TBC1D5: variants seen among roughly 807,000 people sequenced by gnomAD.
TBC1D5 encodes TBC1 domain family, member 5.
In TBC1D5, 75 loss-of-function variants were observed where a neutral mutation model predicts 100.3. That is an observed-to-expected ratio of 0.75 (90% CI 0.62 to 0.91). TBC1D5 has a LOEUF of 0.91. Among genes scored for constraint, TBC1D5 ranks in the 40% least tolerant of loss-of-function variants. The pLI is 0.00. For synonymous variants in TBC1D5, 323 were observed against 325.6 expected, an observed-to-expected ratio of 0.99 and a Z score of 0.09; for missense variants, 910 against 942.4, an observed-to-expected ratio of 0.97 and a Z score of 0.45.
At chr3:17,370,740 A>G (rs575140428) in intron 13 of TBC1D5, among the ~76,000 whole-genome samples, 1 of 152,112 alleles carries the variant, frequency 6.6e-6, no homozygotes, top group Admixed American at 6.6e-5. Context: ...TAAACAAAAC[A>G]CTATTCTCTT....
At chr3:17,468,477 A>G (rs2095335194) in intron 3 of TBC1D5, among the ~76,000 whole-genome samples, 1 of 152,184 alleles carries the variant, frequency 6.6e-6, no homozygotes, top group Non-Finnish European at 1.5e-5. Flanking sequence ...GCAATATTGC[A>G]ATATTCGTTT....
At chr3:17,327,783 C>T (rs113468790) in intron 13 of TBC1D5, among the ~76,000 whole-genome samples, 2 of 152,058 alleles carry the variant, frequency 1.3e-5, no homozygotes, top group African/African-American at 4.8e-5. Context: ...ACAGCAAGTT[C>T]GATAGGGCAT....
At chr3:17,701,977 G>A (rs1481335304) in intron 1 of TBC1D5, among the ~76,000 whole-genome samples, 10 of 151,948 alleles carry the variant, frequency 6.6e-5, no homozygotes, top group Non-Finnish European at 1.5e-4. Flanking sequence ...CCCTCTCCCA[G>A]TAGAAATATA....
chr3:17,685,713 G>A (rs1273969318), intron 1 of TBC1D5, among the ~76,000 whole-genome samples: 1 of 152,006 alleles, frequency 6.6e-6, no homozygotes. Flanking sequence ...CAACTGCCTT[G>A]ATATTATATA....
At chr3:17,235,434 T>C (rs1410805534) in intron 17 of TBC1D5, among the ~76,000 whole-genome samples, 1 of 152,236 alleles carries the variant, frequency 6.6e-6, no homozygotes, top group Non-Finnish European at 1.5e-5. Context: ...ACTAAGTAGA[T>C]GACTCTGTTC....
chr3:17,387,722 C>A (rs78163749), intron 8 of TBC1D5, among the ~76,000 whole-genome samples: 9,325 of 151,046 alleles, frequency 0.062, 298 homozygotes, highest in South Asian at 0.076. Context: ...CAGTCTAACC[C>A]AAATATCATT....
At chr3:17,671,036 A>G (rs1334698692) in intron 1 of TBC1D5, among the ~76,000 whole-genome samples, 5 of 152,216 alleles carry the variant, frequency 3.3e-5, no homozygotes, top group Admixed American at 3.3e-4. Flanking sequence ...TCAGCTTTTC[A>G]GCTTCCTTAG....
rs144589397 is a variant in TBC1D5 at position 17,685,738 on chromosome 3, A to G, written c.-101+53605T>C. Among the ~76,000 whole-genome samples, 23 of 152,236 alleles carry G rather than the reference A, an allele frequency of 1.5e-4. No homozygotes were observed. In the East Asian group the frequency reaches 3.7e-3, roughly 24 times the overall value. On this transcript the variant is annotated intron_variant, in intron 1 of 21. Coordinates refer to ENST00000253692, the Ensembl canonical transcript of TBC1D5. ...GATATTATATATATCTTTCTCTAAC[A>G]TATTTTCCCTCAAACAACTGGACAC...
intron 3 of TBC1D5, among the ~76,000 whole-genome samples, chr3:17,441,388 G>C (rs1280948550): frequency 6.6e-6 from 1 of 152,212 alleles, no homozygotes; most frequent in Non-Finnish European, 1.5e-5. Flanking sequence ...GACTGTGGGA[G>C]GTTGCTCTTT....
At position 17,225,093 on chromosome 3, in the gene TBC1D5, A is replaced by G. The variant is rs1227366779; in HGVS notation, c.1589-10723T>C. 2.0e-5 allele frequency among the ~76,000 whole-genome samples: 3 copies of G among 152,300 alleles called. No individual in the cohort carries two copies. In the East Asian group the frequency reaches 5.8e-4, roughly 29 times the overall value. ...TGATGGAGAGCACAGTCTACCGTCC[A>G]TGTTCCACACCTGGATATTTAACCA... On this transcript the variant is annotated intron_variant, in intron 17 of 21. Coordinates refer to ENST00000253692, the Ensembl canonical transcript of TBC1D5.
intron 13 of TBC1D5, among the ~76,000 whole-genome samples, chr3:17,341,297 C>T (rs370257363): frequency 7.9e-5 from 12 of 152,042 alleles, no homozygotes; most frequent in African/African-American, 2.7e-4. Flanking sequence ...CCTGGGTTCA[C>T]GCCATTCTCC....
At chr3:17,439,548 T>A (rs1199072236) in intron 3 of TBC1D5, among the ~76,000 whole-genome samples, 1 of 151,734 alleles carries the variant, frequency 6.6e-6, no homozygotes, top group Non-Finnish European at 1.5e-5. Flanking sequence ...CAAATATCAA[T>A]TTTTTTTAAT....
intron 3 of TBC1D5, among the ~76,000 whole-genome samples, chr3:17,496,156 T>A (rs1305435149): frequency 1.3e-5 from 2 of 152,248 alleles, no homozygotes; most frequent in Non-Finnish European, 2.9e-5. Flanking sequence ...ATTATTACAT[T>A]TTTCTATGTG....
In TBC1D5 at chr3:17,225,547, A is replaced by G. The variant is rs372100419; in HGVS notation, c.1589-11177T>C. On this transcript the variant is annotated intron_variant, in intron 17 of 21. Coordinates refer to ENST00000253692, the Ensembl canonical transcript of TBC1D5. ...CTGGGTGCAGTGTCTCCCACCTGTA[A>G]TTTCAGCACTCTGGGAGGCCGAGAC... Among the ~76,000 whole-genome samples the G allele has an allele frequency of 9.7e-4, 148 of 152,232 alleles. 4 individuals are homozygous for G. The South Asian group carries it at 0.028, about 29-fold the overall frequency.
intron 19 of TBC1D5, among the ~76,000 whole-genome samples, chr3:17,170,394 A>G (rs1268174840): frequency 2.6e-5 from 4 of 152,200 alleles, no homozygotes; most frequent in Non-Finnish European, 5.9e-5. Context: ...TTTGGGTTCA[A>G]GGAACTAAAG....
intron 1 of TBC1D5, among the ~76,000 whole-genome samples, chr3:17,654,070 C>A (rs1014493684): frequency 2.0e-5 from 3 of 151,976 alleles, no homozygotes; most frequent in Non-Finnish European, 4.4e-5. Context: ...TCAGGTTATG[C>A]AGAATTTAAA....
chr3:17,668,153 A>AT (rs2067495202), intron 1 of TBC1D5, among the ~76,000 whole-genome samples: 1 of 147,726 alleles, frequency 6.8e-6, no homozygotes. Flanking sequence ...TTCACTTAAA[A>AT]ATATATATAT....
chr3:17,625,934 T>G (rs1180443532), intron 1 of TBC1D5, among the ~76,000 whole-genome samples: 1 of 152,032 alleles, frequency 6.6e-6, no homozygotes, highest in Admixed American at 6.6e-5. Flanking sequence ...CTATTTCACA[T>G]GAGTTTACGT....
intron 3 of TBC1D5, among the ~76,000 whole-genome samples, chr3:17,452,870 G>A (rs2094959495): frequency 6.6e-6 from 1 of 151,912 alleles, no homozygotes; most frequent in African/African-American, 2.4e-5. Flanking sequence ...CACATTCTTT[G>A]CCTCAGCAAA....
Sources: gnomAD v4.1 joint callset for allele counts (sites outside exome capture counted in the v4.1 genomes callset) on GRCh38, gnomAD v4.1.1 for gene constraint, MANE v1.5 for transcripts, NCBI Gene and HGNC (gene_info 2026-07-23, HGNC 2026-07-21) for gene names.